Variants in HSPA12A observed in about 807,000 individuals in gnomAD.
HSPA12A encodes heat shock 70 kDa protein 12A.
Under a neutral mutation model 69.2 loss-of-function variants are expected in HSPA12A, and 28 were observed. That is an observed-to-expected ratio of 0.40 (90% CI 0.30 to 0.55). The LOEUF is 0.55. Ranked by LOEUF, HSPA12A falls within the 20% of genes least tolerant of loss-of-function variation. The pLI, the probability that HSPA12A is intolerant of heterozygous loss-of-function variation, is 0.38. For synonymous variants in HSPA12A, 345 were observed against 370.5 expected, an observed-to-expected ratio of 0.93 and a Z score of 0.79; for missense variants, 686 against 900.7, an observed-to-expected ratio of 0.76 and a Z score of 3.05.
At chr10:116,712,632 A>C (rs1479335915) in intron 1 of HSPA12A, among the ~76,000 whole-genome samples, 2 of 152,186 alleles carry the variant, frequency 1.3e-5, no homozygotes, top group Admixed American at 1.3e-4. Context: ...TCTTGATAAG[A>C]GAACCTCAAA....
chr10:116,806,997 A>G (rs1348967311), intron 2 of HSPA12A, among the ~76,000 whole-genome samples: 1 of 152,206 alleles, frequency 6.6e-6, no homozygotes, highest in Non-Finnish European at 1.5e-5. Context: ...AGGAGAGGAG[A>G]GGGTGATGTG....
chr10:116,835,898 A>C (rs1845700492), intron 1 of HSPA12A, among the ~76,000 whole-genome samples: 1 of 152,328 alleles, frequency 6.6e-6, no homozygotes, highest in African/African-American at 2.4e-5. Flanking sequence ...GTGAGTAGTC[A>C]CGAGAGAGGA....
At chr10:116,748,194 G>A (rs1428027066) in intron 2 of HSPA12A, among the ~76,000 whole-genome samples, 2 of 152,154 alleles carry the variant, frequency 1.3e-5, no homozygotes, top group Non-Finnish European at 2.9e-5. Context: ...TGCTAGCTGT[G>A]ATTACTTGGT....
intron 5 of HSPA12A, among the ~76,000 whole-genome samples, chr10:116,696,007 A>G (rs1314787593): frequency 1.4e-5 from 2 of 145,104 alleles, no homozygotes; most frequent in African/African-American, 2.6e-5. Flanking sequence ...CATCTCAAAA[A>G]AAAAAAAAAA....
chr10:116,817,078 A>G (rs532794818), intron 2 of HSPA12A, among the ~76,000 whole-genome samples: 2 of 152,344 alleles, frequency 1.3e-5, no homozygotes, highest in East Asian at 1.9e-4. Context: ...AGAAAGAATC[A>G]TTCTTGCAAC....
chr10:116,849,759 C>T (rs1036609723), upstream of HSPA12A: 24 of 1,476,708 alleles, frequency 1.6e-5, no homozygotes, highest in Non-Finnish European at 1.7e-5. Context: ...GCGCTCTCCT[C>T]CCGCCAACCC....
rs1486519442 is a variant in HSPA12A, at chr10:116,700,844, C to T, written c.441+99G>A. The T allele has an allele frequency of 1.0e-5, 11 of 1,105,178 alleles. No individual in the cohort carries two copies. In the East Asian group the frequency reaches 2.4e-4, roughly 24 times the overall value. 68.5% of individuals were successfully genotyped at this position (1,105,178 alleles called of 1,614,324 possible). A position where few individuals can be genotyped will look rare whatever the true frequency, so the allele number is the denominator to read the frequency against. ...TTTCTGCTTGGAAGAGACCAGAGGG[C>T]CCCCTGGGTTGGGAGGACATCCCTT... is the stretch of plus-strand genomic sequence containing the variant. On this transcript the variant is annotated intron_variant, in intron 4 of 11. Coordinates refer to ENST00000369209, the MANE Select transcript of HSPA12A (RefSeq NM_025015.3).
intron 5 of HSPA12A, among the ~76,000 whole-genome samples, chr10:116,693,806 T>C (rs531756368): frequency 3.3e-5 from 5 of 152,210 alleles, no homozygotes; most frequent in Non-Finnish European, 7.3e-5. Flanking sequence ...ATGGTAAAAA[T>C]GTACACACCC....
intron 1 of HSPA12A, among the ~76,000 whole-genome samples, chr10:116,717,878 T>C (rs782542324): frequency 6.6e-6 from 1 of 152,162 alleles, no homozygotes; most frequent in South Asian, 2.1e-4. Flanking sequence ...AATTTAGTGA[T>C]AGGAAACGTG....
intron 6 of HSPA12A, among the ~76,000 whole-genome samples, chr10:116,689,877 C>T (rs1338301889): frequency 6.6e-6 from 1 of 151,738 alleles, no homozygotes; most frequent in Non-Finnish European, 1.5e-5. Context: ...GGAGGGTCAG[C>T]GTTTTGCTCT....
chr10:116,747,388 G>A (rs740598), upstream of HSPA12A, among the ~76,000 whole-genome samples: 94,603 of 152,092 alleles, frequency 0.62, 29,583 homozygotes, highest in South Asian at 0.72. Flanking sequence ...GGTTAGTCTC[G>A]CAGCCACATT....
chr10:116,705,073 C>T, intron 3 of HSPA12A, 78 bp downstream of exon 3: 1 of 1,569,620 alleles, frequency 6.4e-7, no homozygotes, highest in Non-Finnish European at 8.7e-7. Flanking sequence ...AAGTGCCAAT[C>T]ACTGGCTCAT....
intron 8 of HSPA12A, 75 bp from the exon 9 acceptor site, chr10:116,681,331 A>C: frequency 8.6e-7 from 1 of 1,167,926 alleles, no homozygotes; most frequent in Admixed American, 1.7e-5. Context: ...GGTGGTAACT[A>C]GGTAGACCCA....
upstream of HSPA12A, among the ~76,000 whole-genome samples, chr10:116,743,364 G>A (rs77226932): frequency 6.6e-6 from 1 of 152,176 alleles, no homozygotes; most frequent in African/African-American, 2.4e-5. Context: ...CTGGGTCCGC[G>A]GTGTCACCAC....
intron 2 of HSPA12A, among the ~76,000 whole-genome samples, chr10:116,769,982 C>T (rs1474229328): frequency 2.6e-5 from 4 of 152,188 alleles, no homozygotes; most frequent in Admixed American, 2.0e-4. Context: ...CTGCAAGAAG[C>T]GATGACGCCA....
intron 5 of HSPA12A, among the ~76,000 whole-genome samples, chr10:116,694,360 T>C (rs1298630097): frequency 5.3e-5 from 8 of 152,048 alleles, no homozygotes; most frequent in African/African-American, 1.9e-4. Flanking sequence ...AAGGTCTAGC[T>C]CCTCCTATAC....
intron 2 of HSPA12A, among the ~76,000 whole-genome samples, chr10:116,815,290 G>A (rs2133189529): frequency 6.6e-6 from 1 of 150,634 alleles, no homozygotes; most frequent in East Asian, 1.9e-4. Flanking sequence ...CAGAGGGCCA[G>A]GCCCAGGGAC....
At chr10:116,804,598 G>A (rs909635807) in intron 2 of HSPA12A, among the ~76,000 whole-genome samples, 6 of 152,076 alleles carry the variant, frequency 3.9e-5, no homozygotes, top group African/African-American at 1.4e-4. Flanking sequence ...GAACATTAGT[G>A]GGAGGAAATG....
chr10:116,676,064 C>A (rs1306974085), intron 11 of HSPA12A, among the ~76,000 whole-genome samples: 2 of 152,222 alleles, frequency 1.3e-5, no homozygotes, highest in Non-Finnish European at 2.9e-5. Flanking sequence ...TCAGAGCTTC[C>A]AGCTCTCTGA....
Sources: allele counts gnomAD v4.1 joint callset (sites outside exome capture counted in the v4.1 genomes callset), GRCh38; gene constraint gnomAD v4.1.1; transcripts MANE v1.5; gene names NCBI Gene and HGNC (gene_info 2026-07-23, HGNC 2026-07-21).